The following HFM1 variants were observed in gnomAD, a reference collection of about 807,000 sequenced individuals.
HFM1 encodes helicase for meiosis 1.
HFM1 carries 169 observed loss-of-function variants against 192.1 expected under a neutral mutation model. The ratio of observed to expected loss-of-function variants is 0.88; its 90% CI spans 0.78 to 1.00. The LOEUF (loss-of-function observed/expected upper bound fraction) is 1.00. Among genes scored for constraint, HFM1 ranks in the 50% least tolerant of loss-of-function variants. The pLI is 0.00. For missense variants in HFM1, 1,661 were observed against 1,668.0 expected (o/e 1.00, Z 0.07); for synonymous variants, 525 against 537.8 (o/e 0.98, Z 0.33).
intron 30 of HFM1, among the ~76,000 whole-genome samples, chr1:91,286,574 G>C (rs1276020856): frequency 1.3e-5 from 2 of 152,170 alleles, no homozygotes; most frequent in African/African-American, 2.4e-5. Context: ...TTAGGATGCA[G>C]TCATATTGGA....
At position 91,335,591 on chromosome 1, in the gene HFM1, T is replaced by C. The variant is rs181870557; in HGVS notation, c.2335+7839A>G. The stretch of plus-strand genomic sequence containing the variant: ...AACAACTTGCTATTAATATAGCTAC[T>C]GAATGATTAATATTCTTACAGGAAA... On this transcript the variant is annotated intron_variant, in intron 20 of 38. Transcript: ENST00000370425. 2.8e-3 allele frequency among the ~76,000 whole-genome samples: 426 copies of C among 152,352 alleles called. 1 individual carries two copies. Among genetic ancestry groups the C allele is most frequent in the African/African-American group, 9.7e-3 (404 of 41,580 alleles).
At chr1:91,342,956 G>A (rs1009128301) in intron 20 of HFM1, among the ~76,000 whole-genome samples, 1 of 152,070 alleles carries the variant, frequency 6.6e-6, no homozygotes, top group African/African-American at 2.4e-5. Flanking sequence ...GCCCAGGCAC[G>A]GTGGCTCAAG....
At chr1:91,297,251 C>A (rs898280133) in intron 30 of HFM1, among the ~76,000 whole-genome samples, 2 of 152,160 alleles carry the variant, frequency 1.3e-5, no homozygotes, top group Admixed American at 6.5e-5. Context: ...GGGAGGGGCA[C>A]CCGCCATTGC....
intron 32 of HFM1, among the ~76,000 whole-genome samples, chr1:91,275,373 A>G (rs1666714224): frequency 6.6e-6 from 1 of 152,142 alleles, no homozygotes; most frequent in Non-Finnish European, 1.5e-5. Flanking sequence ...TGTGGCTTCA[A>G]TTGTCATCTA....
Position 91,378,054 on chromosome 1 carries a change from C to G in HFM1, c.1366G>C (p.Val456Leu), listed in dbSNP as rs983941730. 1 of 1,612,150 alleles carries G rather than the reference C, an allele frequency of 6.2e-7. No homozygotes were observed. The highest frequency in any genetic ancestry group is 8.5e-7 in the Non-Finnish European group (1 of 1,178,886). The change falls in exon 11 of 39, where the codon GTA becomes CTA. Residue 456 changes from valine to leucine, a missense_variant. By Grantham distance (32) the Val-to-Leu change is conservative. Coordinates refer to ENST00000370425, the MANE Select transcript of HFM1 (RefSeq NM_001017975.6). ...STAIPMRFVA[V>L]SATIPNAEDI... Reference sequence around the variant, plus strand: ...TCAGCATTTGGAATTGTTGCAGATACAGCTACAAATCGCATTGGAATAGCA... The same window carrying G: ...TCAGCATTTGGAATTGTTGCAGATAGAGCTACAAATCGCATTGGAATAGCA...
Position 91,358,601 on chromosome 1 carries a change from A to G in HFM1, c.1686-5302T>C, listed in dbSNP as rs556501787. Among the ~76,000 whole-genome samples the G allele has an allele frequency of 2.6e-5, 4 of 152,332 alleles. No individual in the cohort carries two copies. In the East Asian group the frequency reaches 7.7e-4, roughly 29 times the overall value. On this transcript the variant is annotated intron_variant, in intron 13 of 38. Coordinates refer to ENST00000370425, the MANE Select transcript of HFM1 (RefSeq NM_001017975.6). Reference sequence around the variant, plus strand: ...AAAAACAATTTCCATATCCAAAAGAATAAAATTGCACCCTTATACCATACA... The same window carrying G: ...AAAAACAATTTCCATATCCAAAAGAGTAAAATTGCACCCTTATACCATACA...
chr1:91,265,618 G>C (rs950210419), intron 36 of HFM1, among the ~76,000 whole-genome samples: 3 of 152,206 alleles, frequency 2.0e-5, no homozygotes, highest in Admixed American at 2.0e-4. Context: ...ACACTTTACT[G>C]ATCTTTGAGC....
In HFM1 at chr1:91,324,667, T is replaced by G. The variant is rs1337948777; in HGVS notation, c.2427+8A>C. ...TATGTATTTTTTTTCTAGTGAAAATTAATTTACCAGATCTGATAAGGTTTC... is the reference window on the plus strand; with the variant it reads ...TATGTATTTTTTTTCTAGTGAAAATGAATTTACCAGATCTGATAAGGTTTC... On this transcript the variant is annotated splice_region_variant and intron_variant, in intron 21 of 38. Coordinates refer to ENST00000370425, the MANE Select transcript of HFM1 (RefSeq NM_001017975.6). The G allele has an allele frequency of 1.6e-6, 2 of 1,282,332 alleles. No individual in the cohort carries two copies. The highest frequency in any genetic ancestry group is 3.0e-5 in the African/African-American group (2 of 67,480). The allele number at this position is 1,282,332 out of a possible 1,614,324, so 79.4% of individuals were successfully genotyped here. A position where few individuals can be genotyped will look rare whatever the true frequency, so the allele number is the denominator to read the frequency against.
chr1:91,376,026 T>C (rs1202885022), intron 11 of HFM1, among the ~76,000 whole-genome samples: 3 of 151,824 alleles, frequency 2.0e-5, no homozygotes, highest in East Asian at 3.9e-4. Context: ...AATTTTGTCA[T>C]AGAGGCCAAA....
intron 4 of HFM1, among the ~76,000 whole-genome samples, chr1:91,392,290 G>A (rs543425668): frequency 3.3e-4 from 50 of 152,188 alleles, no homozygotes; most frequent in Non-Finnish European, 6.3e-4. Context: ...ATAAAGACAC[G>A]TGCACACGTA....
In HFM1 at chr1:91,313,955, AC is replaced by A; in HGVS notation, c.3244+1del. 1 of 1,514,544 alleles carries A rather than the reference AC, an allele frequency of 6.6e-7. No individual in the cohort carries two copies. Among genetic ancestry groups the A allele is most frequent in the South Asian group, 1.2e-5 (1 of 84,794 alleles). The allele number at this position is 1,514,544 out of a possible 1,614,324, so 93.8% of individuals were successfully genotyped here. A position where few individuals can be genotyped will look rare whatever the true frequency, so the allele number is the denominator to read the frequency against. On this transcript the variant is annotated splice_donor_variant, in intron 29 of 38. Transcript: ENST00000370425. LOFTEE classifies it high-confidence loss of function. Reference sequence around the variant, plus strand: ...ATGTCTTCATTACTTCAATTAACTTACCAAATTCAGAACTTATTAGATTTAT... The same window carrying A: ...ATGTCTTCATTACTTCAATTAACTTACAAATTCAGAACTTATTAGATTTAT...
intron 2 of HFM1, 48 bp from the exon 3 acceptor site, chr1:91,396,453 C>A (rs1663668869): frequency 1.1e-6 from 1 of 928,942 alleles, no homozygotes; most frequent in South Asian, 1.7e-5. Flanking sequence ...AAAGATATAA[C>A]ATGAGAAGCT....
intron 30 of HFM1, among the ~76,000 whole-genome samples, chr1:91,277,926 A>ACACTAAC (rs1667095418): frequency 1.7e-5 from 1 of 58,698 alleles, no homozygotes; most frequent in African/African-American, 6.0e-5. Flanking sequence ...ACTAATATAT[A>ACACTAAC]ATATATATAC....
chr1:91,307,477 G>T (rs1649798890), intron 30 of HFM1, among the ~76,000 whole-genome samples: 1 of 151,962 alleles, frequency 6.6e-6, no homozygotes, highest in Admixed American at 6.6e-5. Flanking sequence ...TTTTGAGACA[G>T]GGTCTCGCTC....
intron 35 of HFM1, among the ~76,000 whole-genome samples, chr1:91,266,827 A>T (rs1039311297): frequency 6.6e-6 from 1 of 152,200 alleles, no homozygotes; most frequent in African/African-American, 2.4e-5. Flanking sequence ...ATTGTGCCTA[A>T]TGACCCCACA....
chr1:91,326,160 AAAG>A (rs1652864339), intron 20 of HFM1, among the ~76,000 whole-genome samples: 1 of 152,242 alleles, frequency 6.6e-6, no homozygotes, highest in South Asian at 2.1e-4. Flanking sequence ...TATTGACCTT[AAAG>A]AAGCAGTACA....
chr1:91,338,841 C>T (rs1654950643), intron 20 of HFM1: 3 of 440,510 alleles, frequency 6.8e-6, no homozygotes, highest in Admixed American at 4.8e-5. Flanking sequence ...TGCTACTATA[C>T]AGCCACTGTT....
At chr1:91,310,251 T>C (rs1054458701) in intron 30 of HFM1, among the ~76,000 whole-genome samples, 10 of 152,002 alleles carry the variant, frequency 6.6e-5, no homozygotes, top group African/African-American at 2.4e-4. Context: ...ACAGAGGAAA[T>C]AATACGATAT....
At chr1:91,358,047 C>T (rs1179151561) in intron 13 of HFM1, among the ~76,000 whole-genome samples, 2 of 152,024 alleles carry the variant, frequency 1.3e-5, no homozygotes, top group South Asian at 2.1e-4. Context: ...AATACAATCC[C>T]TATCAAAATT....
Sources: gnomAD v4.1 joint callset for allele counts (sites outside exome capture counted in the v4.1 genomes callset) on GRCh38, gnomAD v4.1.1 for gene constraint, MANE v1.5 for transcripts, NCBI Gene and HGNC (gene_info 2026-07-23, HGNC 2026-07-21) for gene names.